Variants in AATK observed in about 807,000 individuals in gnomAD.
AATK encodes lemur tail kinase 1.
AATK carries 91 observed loss-of-function variants against 114.3 expected under a neutral mutation model. That is an observed-to-expected ratio of 0.80 (90% CI 0.67 to 0.95). The LOEUF (loss-of-function observed/expected upper bound fraction) is 0.95. Among genes scored for constraint, AATK ranks in the 40% least tolerant of loss-of-function variants. The pLI, the probability that AATK is intolerant of heterozygous loss-of-function variation, is 0.00. For missense variants in AATK, 2,176 were observed against 1,965.2 expected (o/e 1.11, Z -2.03); for synonymous variants, 1,075 against 916.5 (o/e 1.17, Z -3.12).
chr17:81,128,373 G>C (rs751888107), intron 4 of AATK, 97 bp downstream of exon 4: 1 of 1,417,132 alleles, frequency 7.1e-7, no homozygotes, highest in African/African-American at 1.5e-5. Flanking sequence ...AGAAGGGACC[G>C]TCGGGGCTGG....
intron 1 of AATK, among the ~76,000 whole-genome samples, chr17:81,162,746 C>A (rs1370847032): frequency 2.6e-5 from 4 of 152,214 alleles, no homozygotes; most frequent in Non-Finnish European, 5.9e-5. Context: ...CTCCCAGGAA[C>A]CCCCCATGGC....
At position 81,161,798 on chromosome 17, in the gene AATK, G is replaced by A. The variant is rs192298468; in HGVS notation, c.55+4140C>T. Among the ~76,000 whole-genome samples, 20 of 152,266 alleles carry A rather than the reference G, an allele frequency of 1.3e-4. No individual in the cohort carries two copies. In the East Asian group the frequency reaches 2.7e-3, roughly 21 times the overall value. ...AGGCAGGGTCAGGGTTGGGAGCCGG[G>A]GAGGCAGAGGGCATGGCGGGGAGTC... On this transcript the variant is annotated intron_variant, in intron 1 of 13. Coordinates refer to ENST00000326724, the MANE Select transcript of AATK (RefSeq NM_001080395.3).
In AATK at chr17:81,166,047, G is replaced by T; in HGVS notation, c.-55C>A. Reference sequence around the variant, plus strand: ...GGAGGGCGCTGCGCTCAGGACGCCCGCGGCCCCGGCCCGAGCCGCCGCATC... The same window carrying T: ...GGAGGGCGCTGCGCTCAGGACGCCCTCGGCCCCGGCCCGAGCCGCCGCATC... On this transcript the variant is annotated 5_prime_UTR_variant, in exon 1 of 14. Coordinates refer to ENST00000326724, the MANE Select transcript of AATK (RefSeq NM_001080395.3). The T allele has an allele frequency of 7.4e-7, 1 of 1,359,084 alleles. No individual in the cohort carries two copies. The highest frequency in any genetic ancestry group is 9.6e-7 in the Non-Finnish European group (1 of 1,044,446). The allele number at this position is 1,359,084 out of a possible 1,614,324, so 84.2% of individuals were successfully genotyped here. A position where few individuals can be genotyped will look rare whatever the true frequency, so the allele number is the denominator to read the frequency against.
rs573030751 is a variant in AATK at position 81,155,358 on chromosome 17, T to A, written c.55+10580A>T. On this transcript the variant is annotated intron_variant, in intron 1 of 13. Transcript: ENST00000326724. Reference sequence around the variant, plus strand: ...CCATAGTAGCACGGCTTCATATGTCTCCCTTTTTAATACATTTTACCTATT... The same window carrying A: ...CCATAGTAGCACGGCTTCATATGTCACCCTTTTTAATACATTTTACCTATT... 4.6e-5 allele frequency among the ~76,000 whole-genome samples: 7 copies of A among 151,374 alleles called. No homozygotes were observed. The South Asian group carries it at 1.5e-3, about 32-fold the overall frequency.
In AATK at chr17:81,152,146, C is replaced by T. The variant is rs2061307313; in HGVS notation, c.55+13792G>A. Reference sequence around the variant, plus strand: ...AAAAAATATTAGCAGGGCGTGGTGGCACTTGCCTGTAATCCCAGCTACTTG... The same window carrying T: ...AAAAAATATTAGCAGGGCGTGGTGGTACTTGCCTGTAATCCCAGCTACTTG... On this transcript the variant is annotated intron_variant, in intron 1 of 13. Coordinates refer to ENST00000326724, the MANE Select transcript of AATK (RefSeq NM_001080395.3). Among the ~76,000 whole-genome samples, 5 of 152,254 alleles carry T rather than the reference C, an allele frequency of 3.3e-5. No homozygotes were observed. In the South Asian group the frequency reaches 1.0e-3, roughly 32 times the overall value.
At position 81,121,519 on chromosome 17, in the gene AATK, C is replaced by T. The variant is rs1334505392; in HGVS notation, c.2417G>A (p.Gly806Glu). The change falls in exon 11 of 14, where the codon GGA becomes GAA. Residue 806 changes from glycine to glutamate, a missense_variant. Gly to Glu is a moderately conservative substitution (Grantham distance 98). Around this residue, in one of 4 missense-constraint regions of AATK, gnomAD observed 1,701 missense variants for 1,394.7 expected, o/e 1.22. Coordinates refer to ENST00000326724, the MANE Select transcript of AATK (RefSeq NM_001080395.3). ...LPSVPSPSQE[G>E]APLPSEEASA... is the part of the protein sequence containing the mutation. Reference sequence around the variant, plus strand: ...GGCCTCCTCCGAGGGAAGTGGGGCTCCCTCCTGGGATGGGGAGGGGACGGA... The same window carrying T: ...GGCCTCCTCCGAGGGAAGTGGGGCTTCCTCCTGGGATGGGGAGGGGACGGA... 1.3e-6 allele frequency: 2 copies of T among 1,546,244 alleles called. No individual in the cohort carries two copies. The highest frequency in any genetic ancestry group is 1.7e-6 in the Non-Finnish European group (2 of 1,143,962).
At chr17:81,164,312 G>A (rs9902005) in intron 1 of AATK, among the ~76,000 whole-genome samples, 51,922 of 151,908 alleles carry the variant, frequency 0.34, 9,097 homozygotes, top group Non-Finnish European at 0.39. Flanking sequence ...GGGGGCTGGT[G>A]CAGAGCCTAG....
intron 2 of AATK, among the ~76,000 whole-genome samples, chr17:81,132,201 G>C (rs890286267): frequency 1.3e-5 from 2 of 152,200 alleles, no homozygotes; most frequent in Non-Finnish European, 2.9e-5. Context: ...CAGCCTTTCT[G>C]TCCTTCCTCA....
chr17:81,138,865 A>G (rs1482069772), intron 1 of AATK, among the ~76,000 whole-genome samples: 1 of 147,526 alleles, frequency 6.8e-6, no homozygotes, highest in Non-Finnish European at 1.5e-5. Flanking sequence ...ACACGCACAC[A>G]TGTGCACACA....
In AATK at chr17:81,166,077, A is replaced by C; in HGVS notation, c.-85T>G. On this transcript the variant is annotated 5_prime_UTR_variant, in exon 1 of 14. Coordinates refer to ENST00000326724, the MANE Select transcript of AATK (RefSeq NM_001080395.3). ...CCCGGCCCGAGCCGCCGCATCACCCAGCGGCCGCCGCAGGTGCGGAGCGCG... is the reference window on the plus strand; with the variant it reads ...CCCGGCCCGAGCCGCCGCATCACCCCGCGGCCGCCGCAGGTGCGGAGCGCG... The C allele has an allele frequency of 1.0e-6, 1 of 971,468 alleles. No homozygotes were observed. The highest frequency in any genetic ancestry group is 1.3e-6 in the Non-Finnish European group (1 of 784,400). 60.2% of individuals were successfully genotyped at this position (971,468 alleles called of 1,614,324 possible).
intron 1 of AATK, chr17:81,165,500 G>C (rs2061475777): frequency 1.8e-6 from 1 of 555,714 alleles, no homozygotes; most frequent in Admixed American, 3.0e-5. Flanking sequence ...GCTGGGCAGG[G>C]CTCTGAGAAT....
At position 81,124,991 on chromosome 17, in the gene AATK, A is replaced by T; in HGVS notation, c.779T>A (p.Leu260Gln). 6.4e-7 allele frequency: 1 copy of T among 1,559,530 alleles called. No individual in the cohort carries two copies. The highest frequency in any genetic ancestry group is 2.4e-5 in the East Asian group (1 of 42,108). ...CTTCACCGTCAGGTCAGCCGTGAGCAGGCAGTTCCGCAGGGCCAGGTCGCT... is the reference window on the plus strand; with the variant it reads ...CTTCACCGTCAGGTCAGCCGTGAGCTGGCAGTTCCGCAGGGCCAGGTCGCT... ...VHSDLALRNC[L>Q]LTADLTVKIG... The change falls in exon 8 of 14, where the codon CTG (leucine) becomes CAG (glutamine). Residue 260 changes from leucine to glutamine, a missense_variant. By Grantham distance (113) the Leu-to-Gln change is moderately radical. Coordinates refer to ENST00000326724, the MANE Select transcript of AATK (RefSeq NM_001080395.3).
rs1007077868 is a variant in AATK at position 81,126,725 on chromosome 17, T to C, written c.622-165A>G. The stretch of plus-strand genomic sequence containing the variant: ...ACAGTGGCCAGCACCCAGCAGTTCC[T>C]GGAGGGGGGCCGTGTCCCCCAGGGC... On this transcript the variant is annotated intron_variant, in intron 6 of 13. Transcript: ENST00000326724. The surrounding 1 kb of genome is among the most constrained non-coding windows in gnomAD (Gnocchi z 5.1). 50 of 1,417,974 alleles carry C rather than the reference T, an allele frequency of 3.5e-5. No individual in the cohort carries two copies. In the Admixed American group the frequency reaches 4.9e-4, roughly 14 times the overall value. The allele number at this position is 1,417,974 out of a possible 1,614,324, so 87.8% of individuals were successfully genotyped here.
Position 81,126,333 on chromosome 17 carries a change from C to A in AATK, c.755+94G>T, listed in dbSNP as rs997975853. On this transcript the variant is annotated intron_variant, in intron 7 of 13. Transcript: ENST00000326724. The surrounding 1 kb of genome is among the most constrained non-coding windows in gnomAD (Gnocchi z 5.1). ...ATGAGATGAACCTGGCCGGTCCTCGCAAGCCCCCTGAGGCAGGACCCGCCC... is the reference window on the plus strand; with the variant it reads ...ATGAGATGAACCTGGCCGGTCCTCGAAAGCCCCCTGAGGCAGGACCCGCCC... 6.2e-6 allele frequency: 9 copies of A among 1,441,398 alleles called. No homozygotes were observed. Among genetic ancestry groups the A allele is most frequent in the Admixed American group, 2.5e-5 (1 of 40,750 alleles). The allele number at this position is 1,441,398 out of a possible 1,614,324, so 89.3% of individuals were successfully genotyped here. A position where few individuals can be genotyped will look rare whatever the true frequency, so the allele number is the denominator to read the frequency against.
At chr17:81,133,719 G>A (rs2060970044) in intron 2 of AATK, among the ~76,000 whole-genome samples, 1 of 152,186 alleles carries the variant, frequency 6.6e-6, no homozygotes, top group South Asian at 2.1e-4. Flanking sequence ...GGGGTTTGCA[G>A]GGGGAGGAGC....
At chr17:81,153,465 C>T (rs2061322835) in intron 1 of AATK, among the ~76,000 whole-genome samples, 1 of 152,198 alleles carries the variant, frequency 6.6e-6, no homozygotes, top group African/African-American at 2.4e-5. Context: ...TTTAAAGATG[C>T]GTCATTTGCC....
chr17:81,148,394 C>A (rs184013239), intron 1 of AATK, among the ~76,000 whole-genome samples: 34 of 152,370 alleles, frequency 2.2e-4, no homozygotes, highest in African/African-American at 8.2e-4. Flanking sequence ...TCCCAACACC[C>A]CCGGCATCTT....
intron 9 of AATK, 59 bp downstream of exon 9, chr17:81,124,668 T>C (rs1347540119): frequency 6.3e-6 from 10 of 1,592,700 alleles, no homozygotes; most frequent in African/African-American, 1.3e-5. Flanking sequence ...TGATTTGACA[T>C]GGGTGGGCAG....
Position 81,118,315 on chromosome 17 carries a change from G to C in AATK, c.*87C>G, listed in dbSNP as rs1447569581. On this transcript the variant is annotated 3_prime_UTR_variant, in exon 14 of 14. Coordinates refer to ENST00000326724, the MANE Select transcript of AATK (RefSeq NM_001080395.3). Reference sequence around the variant, plus strand: ...TGCTGCCAACAGCCACCAGGACGTGGTCCCCACCTTCTCGGTCACCATCCT... The same window carrying C: ...TGCTGCCAACAGCCACCAGGACGTGCTCCCCACCTTCTCGGTCACCATCCT... The C allele has an allele frequency of 7.1e-7, 1 of 1,415,792 alleles. No individual in the cohort carries two copies. The highest frequency in any genetic ancestry group is 2.5e-5 in the East Asian group (1 of 39,768). The allele number at this position is 1,415,792 out of a possible 1,614,324, so 87.7% of individuals were successfully genotyped here. A position where few individuals can be genotyped will look rare whatever the true frequency, so the allele number is the denominator to read the frequency against.
Sources: gnomAD v4.1 joint callset for allele counts (sites outside exome capture counted in the v4.1 genomes callset) on GRCh38, gnomAD v4.1.1 for gene constraint, gnomAD v4.1.1 regional missense constraint, Gnocchi (gnomAD v3.1) non-coding constraint, MANE v1.5 for transcripts, NCBI Gene and HGNC (gene_info 2026-07-23, HGNC 2026-07-21) for gene names.